VTI1A: variants seen among roughly 807,000 people sequenced by gnomAD.
The protein encoded by VTI1A is vesicle transport through interaction with t-SNAREs homolog 1A.
A neutral mutation model predicts 34.9 loss-of-function variants in VTI1A; 22 were observed. The ratio of observed to expected loss-of-function variants is 0.63; its 90% confidence interval spans 0.45 to 0.90. VTI1A has a LOEUF of 0.90. VTI1A is among the 40% of genes least tolerant of loss of function. The pLI is 0.00. For missense variants in VTI1A, 268 were observed against 275.6 expected (o/e 0.97, Z 0.20); for synonymous variants, 87 against 97.3 (o/e 0.89, Z 0.62).
the VTI1A span, chr10:112,824,147 T>TCTTTCGCCCC: frequency 6.6e-6 from 1 of 152,258 alleles, no homozygotes. Context: ...CAAGGCTGGG[T>TCTTTCGCCCC]CTTTCGCCCC....
intron 7 of VTI1A, among the ~76,000 whole-genome samples, chr10:112,682,330 C>T (rs1848243815): frequency 6.6e-6 from 1 of 152,012 alleles, no homozygotes; most frequent in Non-Finnish European, 1.5e-5. Context: ...GATGTGGGCA[C>T]CTCTTTTTCT....
chr10:112,497,083 C>T (rs999975767), intron 3 of VTI1A, among the ~76,000 whole-genome samples: 2 of 151,830 alleles, frequency 1.3e-5, no homozygotes, highest in African/African-American at 2.4e-5. Context: ...TTTGGGAGGC[C>T]GAGGCAGGCG....
intron 1 of VTI1A, among the ~76,000 whole-genome samples, chr10:112,451,095 AG>A (rs547177660): frequency 1.0e-3 from 158 of 152,356 alleles, no homozygotes; most frequent in Middle Eastern, 3.4e-3. Context: ...AATTGTACCA[AG>A]AAAGTATTAC....
At chr10:112,558,321 TA>T (rs967602070) in intron 5 of VTI1A, among the ~76,000 whole-genome samples, 1 of 151,910 alleles carries the variant, frequency 6.6e-6, no homozygotes, top group East Asian at 1.9e-4. Context: ...TTAATTTTTT[TA>T]AAAAAAAGTC....
At chr10:112,729,041 T>C (rs1330383978) in intron 7 of VTI1A, among the ~76,000 whole-genome samples, 3 of 152,228 alleles carry the variant, frequency 2.0e-5, no homozygotes, top group African/African-American at 7.2e-5. Flanking sequence ...TGGGTGGTTT[T>C]GATTTTTTTT....
At chr10:112,476,677 A>G (rs1425138990) in intron 3 of VTI1A, among the ~76,000 whole-genome samples, 1 of 152,190 alleles carries the variant, frequency 6.6e-6, no homozygotes, top group Non-Finnish European at 1.5e-5. Flanking sequence ...GAACTAGAAG[A>G]TTTCATACTT....
chr10:112,644,687 C>G (rs1406155429), intron 5 of VTI1A, among the ~76,000 whole-genome samples: 1 of 152,128 alleles, frequency 6.6e-6, no homozygotes, highest in African/African-American at 2.4e-5. Context: ...ATGCTTTAAT[C>G]AAGTGTAGTG....
chr10:112,450,601 T>C (rs1319710795), intron 1 of VTI1A: 1 of 152,212 alleles, frequency 6.6e-6, no homozygotes, highest in African/African-American at 2.4e-5. Context: ...GCTGTGCATG[T>C]TACAATGTAT....
In VTI1A at chr10:112,736,679, A is replaced by T. The variant is rs1329947915; in HGVS notation, c.560+67681A>T. On this transcript the variant is annotated intron_variant, in intron 7 of 7. Transcript: ENST00000393077. ...AAACTAGTGCATTTAGCAATGAGGG[A>T]TGGTGAGAAATGCTACATAAGGATT... 4.5e-6 allele frequency: 7 copies of T among 1,551,294 alleles called. No individual in the cohort carries two copies. In the East Asian group the frequency reaches 1.7e-4, roughly 38 times the overall value.
intron 5 of VTI1A, among the ~76,000 whole-genome samples, chr10:112,607,233 G>A (rs1423889303): frequency 6.6e-6 from 1 of 151,400 alleles, no homozygotes; most frequent in African/African-American, 2.4e-5. Context: ...GTTGCAGTGA[G>A]CCAAGATCAC....
chr10:112,518,547 TTCTCTCTCTCTCTCTC>T (rs57853028), intron 3 of VTI1A, among the ~76,000 whole-genome samples: 1,454 of 101,510 alleles, frequency 0.014, 23 homozygotes, highest in African/African-American at 0.052. Context: ...TCATATCTCT[TTCTCTCTCTCTCTCTC>T]TCTCTCTCTC....
At chr10:112,673,598 T>A (rs189328270) in intron 7 of VTI1A, among the ~76,000 whole-genome samples, 1 of 152,370 alleles carries the variant, frequency 6.6e-6, no homozygotes, top group African/African-American at 2.4e-5. Context: ...ATCTGTAGTA[T>A]AAACAAAGCA....
intron 7 of VTI1A, among the ~76,000 whole-genome samples, chr10:112,739,400 T>C (rs2133973704): frequency 6.6e-6 from 1 of 152,316 alleles, no homozygotes; most frequent in Middle Eastern, 3.4e-3. Flanking sequence ...CAGTTGCATG[T>C]CCCACATGCT....
At chr10:112,801,439 C>T (rs4918780) in intron 7 of VTI1A, among the ~76,000 whole-genome samples, 120,168 of 152,120 alleles carry the variant, frequency 0.79, 48,600 homozygotes, top group Non-Finnish European at 0.89. Flanking sequence ...TCACAACCCT[C>T]GCAGAAAATA....
chr10:112,451,840 G>T (rs1847251970), intron 1 of VTI1A, among the ~76,000 whole-genome samples: 1 of 152,140 alleles, frequency 6.6e-6, no homozygotes, highest in Admixed American at 6.5e-5. Context: ...AATATATTTG[G>T]CTTTAGAGCT....
At chr10:112,646,438 A>G (rs929342544) in intron 5 of VTI1A, among the ~76,000 whole-genome samples, 1 of 152,100 alleles carries the variant, frequency 6.6e-6, no homozygotes, top group Non-Finnish European at 1.5e-5. Context: ...TGAGTGTAGG[A>G]GCAAGAAGCC....
intron 5 of VTI1A, among the ~76,000 whole-genome samples, chr10:112,575,972 T>C (rs936964945): frequency 6.6e-6 from 1 of 152,132 alleles, no homozygotes; most frequent in East Asian, 1.9e-4. Context: ...TCATTCTGTG[T>C]ATCTTTTGCC....
chr10:112,622,501 C>A (rs1436322701), intron 5 of VTI1A, among the ~76,000 whole-genome samples: 2 of 148,738 alleles, frequency 1.3e-5, no homozygotes, highest in Non-Finnish European at 1.5e-5. Flanking sequence ...GGTAGAAGAG[C>A]CAGGACTAGA....
At chr10:112,541,185 A>C (rs1033014058) in intron 5 of VTI1A, among the ~76,000 whole-genome samples, 2 of 152,166 alleles carry the variant, frequency 1.3e-5, no homozygotes, top group African/African-American at 4.8e-5. Flanking sequence ...AGGCCCTTCA[A>C]ATTTTTTTTC....
Sources: allele counts gnomAD v4.1 joint callset (sites outside exome capture counted in the v4.1 genomes callset), GRCh38; gene constraint gnomAD v4.1.1; transcripts MANE v1.5; gene names NCBI Gene and HGNC (gene_info 2026-07-23, HGNC 2026-07-21).